Variants in CYFIP2 observed in about 807,000 individuals in gnomAD.
CYFIP2 encodes cytoplasmic FMR1-interacting protein 2.
Under a neutral mutation model 158.7 loss-of-function variants are expected in CYFIP2, and 29 were observed. The ratio of observed to expected loss-of-function variants is 0.18; its 90% CI spans 0.14 to 0.25. CYFIP2 has a LOEUF of 0.25. CYFIP2 is among the 10% of genes least tolerant of loss of function. CYFIP2 has a pLI of 1.00. For missense variants in CYFIP2, 852 were observed against 1,639.5 expected, an observed-to-expected ratio of 0.52 and a Z score of 8.29; for synonymous variants, 585 against 617.6, an observed-to-expected ratio of 0.95 and a Z score of 0.78.
At chr5:157,320,090 C>T (rs2113102959) in intron 14 of CYFIP2, among the ~76,000 whole-genome samples, 162 bp downstream of exon 14, 1 of 152,314 alleles carries the variant, frequency 6.6e-6, no homozygotes, top group Admixed American at 6.5e-5. Flanking sequence ...AAGCCTTCAT[C>T]TCTAGAAGTC....
chr5:157,304,178 G>C (rs769037480), intron 7 of CYFIP2, 60 bp from the exon 8 acceptor site: 10 of 1,560,720 alleles, frequency 6.4e-6, no homozygotes, highest in Non-Finnish European at 8.7e-6. Context: ...TTCTGCAGGG[G>C]TGCAGGTGAG....
At chr5:157,304,486 C>A in intron 8 of CYFIP2, 120 bp downstream of exon 8, 1 of 1,185,286 alleles carries the variant, frequency 8.4e-7, no homozygotes, top group Non-Finnish European at 1.2e-6. Flanking sequence ...ACAGATCTTA[C>A]GGCACATAAT....
intron 18 of CYFIP2, among the ~76,000 whole-genome samples, chr5:157,327,014 C>A (rs1561731063): frequency 6.6e-6 from 1 of 152,172 alleles, no homozygotes; most frequent in Non-Finnish European, 1.5e-5. Flanking sequence ...TTAAATCTGA[C>A]AGTAAATAGG....
chr5:157,297,233 A>G (rs1390003356), intron 5 of CYFIP2, among the ~76,000 whole-genome samples: 2 of 152,196 alleles, frequency 1.3e-5, no homozygotes, highest in Admixed American at 1.3e-4. Context: ...CTGAGGCCGG[A>G]AGGAGCTTGC....
intron 24 of CYFIP2, 73 bp downstream of exon 24, chr5:157,359,221 T>C: frequency 6.3e-7 from 1 of 1,579,848 alleles, no homozygotes; most frequent in East Asian, 2.2e-5. Context: ...GCTTTTACTT[T>C]TTACCTGGCC....
At chr5:157,368,902 G>GTTTTTTTTTT (rs57932474) in intron 26 of CYFIP2, among the ~76,000 whole-genome samples, 1 of 143,292 alleles carries the variant, frequency 7.0e-6, no homozygotes, top group Non-Finnish European at 1.5e-5. Context: ...TTGTTTTTTT[G>GTTTTTTTTTT]TTTTTTTTTT....
intron 21 of CYFIP2, among the ~76,000 whole-genome samples, chr5:157,337,384 A>T (rs1220397167): frequency 6.6e-6 from 1 of 152,194 alleles, no homozygotes; most frequent in African/African-American, 2.4e-5. Flanking sequence ...CAGACGGGGT[A>T]TCAGAAGTAG....
At chr5:157,337,606 A>G (rs1275759661) in intron 21 of CYFIP2, among the ~76,000 whole-genome samples, 1 of 152,232 alleles carries the variant, frequency 6.6e-6, no homozygotes, top group Non-Finnish European at 1.5e-5. Context: ...AATTGGAAGC[A>G]TAGCCTGGGA....
At position 157,302,839 on chromosome 5, in the gene CYFIP2, G is replaced by A. The variant is rs1758893581; in HGVS notation, c.615G>A (p.Gln205=). ...AGATGGCAGATCCCCAGTCTATCCA[G>A]GAGTCGCAGAACCTTTCCATGTTCC... ...LRKMADPQSI[Q]ESQNLSMFLA... The change falls in exon 7 of 31, where the codon CAG becomes CAA. Residue 205 remains glutamine (Q), a synonymous_variant. Transcript: ENST00000620254. 5 of 1,587,952 alleles carry A rather than the reference G, an allele frequency of 3.1e-6. No homozygotes were observed. Among genetic ancestry groups the A allele is most frequent in the African/African-American group, 2.7e-5 (2 of 74,438 alleles).
chr5:157,269,000 C>A (rs1755855427), intron 1 of CYFIP2, among the ~76,000 whole-genome samples: 1 of 152,160 alleles, frequency 6.6e-6, no homozygotes, highest in Admixed American at 6.5e-5. Flanking sequence ...TAAGTACTAG[C>A]ATATTTATGT....
intron 29 of CYFIP2, among the ~76,000 whole-genome samples, chr5:157,390,315 C>T (rs1304747620): frequency 4.6e-5 from 7 of 151,756 alleles, no homozygotes; most frequent in East Asian, 1.9e-4. Flanking sequence ...AATTTGTGGC[C>T]GGAAGGACTT....
At chr5:157,321,223 C>G (rs965297730) in intron 15 of CYFIP2, among the ~76,000 whole-genome samples, 5 of 152,230 alleles carry the variant, frequency 3.3e-5, no homozygotes, top group African/African-American at 4.8e-5. Context: ...GGCCCTTTCC[C>G]CTAAAAGTTC....
intron 1 of CYFIP2, among the ~76,000 whole-genome samples, chr5:157,280,363 A>ATTTT (rs57893061): frequency 6.2e-4 from 82 of 133,236 alleles, no homozygotes; most frequent in African/African-American, 2.1e-3. Context: ...CGCCTGGCTA[A>ATTTT]TTTTTTTTTT....
rs373610517 is a variant in CYFIP2, at chr5:157,388,754, A to G, written c.3208-435A>G. On this transcript the variant is annotated intron_variant, in intron 28 of 30. Transcript: ENST00000620254. ...TAGTTTCTTCGTCTGTAAAATGGGG[A>G]GAGTAATGGCATCTACCTCATGGGA... 7.2e-5 allele frequency among the ~76,000 whole-genome samples: 11 copies of G among 152,286 alleles called. 1 individual carries two copies. The highest frequency in any genetic ancestry group is 6.5e-4 in the Admixed American group (10 of 15,294).
chr5:157,319,874 C>T lies in CYFIP2; in HGVS notation c.1469C>T (p.Thr490Met), dbSNP rs1478391225. 6.2e-6 allele frequency: 10 copies of T among 1,613,940 alleles called. No individual in the cohort carries two copies. Among genetic ancestry groups the T allele is most frequent in the African/African-American group, 5.3e-5 (4 of 74,930 alleles). The change falls in exon 14 of 31, where the codon ACG becomes ATG. Residue 490 changes from threonine (T) to methionine (M), a missense_variant. By Grantham distance (81) the Thr-to-Met change is moderately conservative. Around this residue, in one of 8 missense-constraint regions of CYFIP2, gnomAD observed 167 missense variants for 343.3 expected, o/e 0.49. Coordinates refer to ENST00000620254, the MANE Select transcript of CYFIP2 (RefSeq NM_001037333.3). ...YAALQDFAQV[T>M]LREPLRQAVR... ...GCATTGCAGGACTTCGCCCAGGTGA[C>T]GCTGCGTGAGCCCCTGCGGCAGGCG... is the stretch of plus-strand genomic sequence containing the variant.
At chr5:157,281,989 G>C (rs1404089802) in intron 1 of CYFIP2, among the ~76,000 whole-genome samples, 2 of 152,164 alleles carry the variant, frequency 1.3e-5, no homozygotes, top group African/African-American at 2.4e-5. Context: ...GTTGCATGTA[G>C]AGAGGGTCCT....
rs1463208745 is a variant in CYFIP2, at chr5:157,333,404, A to C, written c.2343A>C (p.Gln781His). The change falls in exon 21 of 31, where the codon CAA becomes CAC. Residue 781 changes from glutamine to histidine, a missense_variant. Physicochemically the swap from Gln to His is conservative, Grantham distance 24. Transcript: ENST00000620254. ...ISAAMYKSLDQAISRFESEDL... is the reference protein window; with the variant it reads ...ISAAMYKSLDHAISRFESEDL... The stretch of plus-strand genomic sequence containing the variant: ...CCGCCATGTATAAATCCTTGGACCA[A>C]GCTATCAGCCGCTTTGAGAGTGAGG... The C allele has an allele frequency of 6.2e-7, 1 of 1,613,954 alleles. No homozygotes were observed. Among genetic ancestry groups the C allele is most frequent in the Non-Finnish European group, 8.5e-7 (1 of 1,179,888 alleles).
At chr5:157,326,819 C>CG (rs2113147038) in intron 18 of CYFIP2, among the ~76,000 whole-genome samples, 1 of 152,262 alleles carries the variant, frequency 6.6e-6, no homozygotes, top group Non-Finnish European at 1.5e-5. Flanking sequence ...TCAGAGGCCT[C>CG]GGTGACCTGG....
rs577190281 is a variant in CYFIP2 at position 157,389,339 on chromosome 5, G to A, written c.3358G>A (p.Val1120Ile). Reference sequence around the variant, plus strand: ...ACCGCCCACCAATGGCGTCATGCACGTCGATGAGTGTGTGGAGTTCCACCG... The same window carrying A: ...ACCGCCCACCAATGGCGTCATGCACATCGATGAGTGTGTGGAGTTCCACCG... ...GPPPTNGVMH[V>I]DECVEFHRLW... Residue 1120 changes from valine (V) to isoleucine (I), a missense_variant, in exon 29 of 31, where the codon GTC (valine) becomes ATC (isoleucine). Coordinates refer to ENST00000620254, the MANE Select transcript of CYFIP2 (RefSeq NM_001037333.3). The A allele has an allele frequency of 3.0e-5, 48 of 1,613,974 alleles. No individual in the cohort carries two copies. The East Asian group carries it at 9.6e-4, about 32-fold the overall frequency.
Sources: gnomAD v4.1 joint callset for allele counts (sites outside exome capture counted in the v4.1 genomes callset) on GRCh38, gnomAD v4.1.1 for gene constraint, gnomAD v4.1.1 regional missense constraint, MANE v1.5 for transcripts, NCBI Gene and HGNC (gene_info 2026-07-23, HGNC 2026-07-21) for gene names.